TLE4: variants seen among roughly 807,000 people sequenced by gnomAD.
TLE4 encodes TLE family member 4, transcriptional corepressor.
Under a neutral mutation model 92.8 loss-of-function variants are expected in TLE4, and 8 were observed. That is an observed-to-expected ratio of 0.09 (90% CI 0.05 to 0.16). The LOEUF is 0.16. Among genes scored for constraint, TLE4 ranks in the 10% least tolerant of loss-of-function variants. TLE4 has a pLI of 1.00. For synonymous variants in TLE4, 371 were observed against 374.1 expected (o/e 0.99, Z 0.10); for missense variants, 675 against 997.6 (o/e 0.68, Z 4.36).
rs1428049144 is a variant in TLE4, at chr9:79,722,470, G to C, written c.2006G>C (p.Cys669Ser). The change falls in exon 18 of 20, where the codon TGC becomes TCC. Residue 669 changes from cysteine to serine, a missense_variant. Cys to Ser is a moderately radical substitution (Grantham distance 112, BLOSUM62 -1). Transcript: ENST00000376552. ...TTCTAGATCTTTTCTCTGGGCTACT[G>C]CCCAACTGGAGAGTGGCTTGCAGTG... Reference protein sequence around the residue: ...FTSQIFSLGYCPTGEWLAVGM... With the variant: ...FTSQIFSLGYSPTGEWLAVGM... 1 of 1,614,140 alleles carries C rather than the reference G, an allele frequency of 6.2e-7. No homozygotes were observed. Among genetic ancestry groups the C allele is most frequent in the Non-Finnish European group, 8.5e-7 (1 of 1,180,008 alleles).
At chr9:79,575,307 C>T (rs1335247659) in intron 3 of TLE4, among the ~76,000 whole-genome samples, 1 of 152,058 alleles carries the variant, frequency 6.6e-6, no homozygotes, top group Non-Finnish European at 1.5e-5. Flanking sequence ...GCCAGTTTTT[C>T]TGTATGCTGT....
intron 16 of TLE4, among the ~76,000 whole-genome samples, chr9:79,721,499 T>C (rs1206559554): frequency 6.6e-6 from 1 of 152,238 alleles, no homozygotes; most frequent in Non-Finnish European, 1.5e-5. Context: ...ATATCAGTCA[T>C]GTTTTCATGA....
At chr9:79,620,383 G>T (rs2050665716) in intron 5 of TLE4, among the ~76,000 whole-genome samples, 1 of 152,134 alleles carries the variant, frequency 6.6e-6, no homozygotes. Context: ...TTCCAACATT[G>T]CCCAAAGTTC....
At chr9:79,642,582 A>T (rs1436325386) in intron 6 of TLE4, among the ~76,000 whole-genome samples, 2 of 152,156 alleles carry the variant, frequency 1.3e-5, no homozygotes, top group African/African-American at 4.8e-5. Flanking sequence ...AGTAGCTTAA[A>T]CAAGCTTCTG....
chr9:79,578,496 G>A (rs1289359548), intron 4 of TLE4, among the ~76,000 whole-genome samples: 1 of 152,196 alleles, frequency 6.6e-6, no homozygotes, highest in African/African-American at 2.4e-5. Flanking sequence ...TCATGGCTCT[G>A]TGACTTAGCA....
chr9:79,686,426 C>T (rs1033187345), intron 8 of TLE4, among the ~76,000 whole-genome samples: 3 of 152,130 alleles, frequency 2.0e-5, no homozygotes, highest in Admixed American at 6.6e-5. Flanking sequence ...TTCTGATCCC[C>T]GGTACCTGTG....
At chr9:79,655,991 A>G (rs1197627294) in intron 8 of TLE4, among the ~76,000 whole-genome samples, 5 of 152,200 alleles carry the variant, frequency 3.3e-5, no homozygotes, top group African/African-American at 9.7e-5. Context: ...GGAAATGAGT[A>G]TCTGTATAGC....
At position 79,638,832 on chromosome 9, in the gene TLE4, T is replaced by A. The variant is rs569560543; in HGVS notation, c.390+11384T>A. Among the ~76,000 whole-genome samples the A allele has an allele frequency of 2.6e-4, 39 of 152,248 alleles. 1 individual carries two copies. The South Asian group carries it at 7.7e-3, about 30-fold the overall frequency. On this transcript the variant is annotated intron_variant, in intron 6 of 19. Transcript: ENST00000376552. ...CTCAGAGGTTGTTCTTGGGTTTCTT[T>A]CAGCTAATAGCTTCAGAATGGCCTC...
intron 4 of TLE4, among the ~76,000 whole-genome samples, chr9:79,606,184 GTTGTTTTTTTTTTTTTTTTT>G (rs1250382233): frequency 5.4e-5 from 1 of 18,374 alleles, no homozygotes; most frequent in Non-Finnish European, 1.2e-4. Context: ...AGCAGTAGTA[GTTGTTTTTTTTTTTTTTTTT>G]TTTTTTTTTT....
Position 79,720,224 on chromosome 9 carries a change from A to G in TLE4, c.1769A>G (p.Lys590Arg). ...CYALAISPDS[K>R]VCFSCCSDGN... ...GCCCTGGCCATCAGCCCCGATTCCA[A>G]GGTCTGCTTCTCATGCTGCAGCGAC... The change falls in exon 16 of 20, where the codon AAG (lysine) becomes AGG (arginine). Residue 590 changes from lysine to arginine, a missense_variant. Physicochemically the swap from Lys to Arg is conservative, Grantham distance 26. This residue lies in a region of TLE4 where 170 missense variants were observed against 359.6 expected (regional missense o/e 0.47). Transcript: ENST00000376552. 6.2e-7 allele frequency: 1 copy of G among 1,614,138 alleles called. No individual in the cohort carries two copies. Among genetic ancestry groups the G allele is most frequent in the Non-Finnish European group, 8.5e-7 (1 of 1,180,022 alleles).
intron 4 of TLE4, among the ~76,000 whole-genome samples, chr9:79,594,162 T>C (rs1184369798): frequency 6.6e-6 from 1 of 152,210 alleles, no homozygotes; most frequent in South Asian, 2.1e-4. Flanking sequence ...GCAGTGCTGC[T>C]CAAAATTCAA....
chr9:79,590,991 C>A (rs375632708), intron 4 of TLE4, among the ~76,000 whole-genome samples: 2 of 152,324 alleles, frequency 1.3e-5, no homozygotes, highest in Admixed American at 6.5e-5. Context: ...AGCCAGTAGT[C>A]CTGGTCACCT....
chr9:79,667,157 A>G (rs555660700), intron 8 of TLE4, among the ~76,000 whole-genome samples: 91 of 152,314 alleles, frequency 6.0e-4, no homozygotes, highest in African/African-American at 2.2e-3. Flanking sequence ...CAGGAAGAGG[A>G]CTGAGACTGA....
Position 79,705,887 on chromosome 9 carries a change from A to G in TLE4, c.730-2A>G. 1 of 1,614,210 alleles carries G rather than the reference A, an allele frequency of 6.2e-7. No individual in the cohort carries two copies. Among genetic ancestry groups the G allele is most frequent in the Non-Finnish European group, 8.5e-7 (1 of 1,180,014 alleles). ...GATAATGCTTCTCACTTGTCAATGC[A>G]GGACAGCGATGGTGAGAAAAGTGAT... On this transcript the variant is annotated splice_acceptor_variant, in intron 9 of 19. Coordinates refer to ENST00000376552, the MANE Select transcript of TLE4 (RefSeq NM_007005.6). LOFTEE classifies it high-confidence loss of function.
chr9:79,691,447 C>A (rs564444075), intron 8 of TLE4, among the ~76,000 whole-genome samples: 2 of 152,056 alleles, frequency 1.3e-5, no homozygotes, highest in Admixed American at 1.3e-4. Flanking sequence ...TACTGTGATT[C>A]GAGCCTCCTC....
At chr9:79,668,693 C>T (rs1043525775) in intron 8 of TLE4, 7 of 318,600 alleles carry the variant, frequency 2.2e-5, no homozygotes, top group African/African-American at 4.5e-5. Context: ...ACAGGCATGA[C>T]GTTGAGGTGG....
intron 4 of TLE4, among the ~76,000 whole-genome samples, chr9:79,598,722 C>T (rs1402464196): frequency 6.6e-6 from 1 of 152,106 alleles, no homozygotes; most frequent in Non-Finnish European, 1.5e-5. Context: ...TACTCTCTCC[C>T]CAAAGCCAGA....
At chr9:79,592,016 G>C (rs1204204698) in intron 4 of TLE4, among the ~76,000 whole-genome samples, 1 of 152,146 alleles carries the variant, frequency 6.6e-6, no homozygotes, top group African/African-American at 2.4e-5. Flanking sequence ...GTATACCACA[G>C]TGGACTTTGC....
chr9:79,596,170 G>A (rs1245027087), intron 4 of TLE4, among the ~76,000 whole-genome samples: 1 of 152,078 alleles, frequency 6.6e-6, no homozygotes, highest in African/African-American at 2.4e-5. Flanking sequence ...TAATCGAAGA[G>A]AACATACCTC....
Sources: allele counts gnomAD v4.1 joint callset (sites outside exome capture counted in the v4.1 genomes callset), GRCh38; gene constraint gnomAD v4.1.1; regional missense constraint gnomAD v4.1.1; transcripts MANE v1.5; gene names NCBI Gene and HGNC (gene_info 2026-07-23, HGNC 2026-07-21).